The following RHOBTB1 variants were observed in gnomAD, a reference collection of about 807,000 sequenced individuals.
RHOBTB1 encodes the protein rho-related BTB domain-containing protein 1.
A neutral mutation model predicts 71.6 loss-of-function variants in RHOBTB1; 40 were observed. The observed-to-expected ratio is 0.56, with a 90% CI of 0.43 to 0.73. The LOEUF (loss-of-function observed/expected upper bound fraction) is 0.73, where lower values mean the gene tolerates loss of function less well. RHOBTB1 is among the 30% of genes least tolerant of loss of function. The pLI is 0.00. For synonymous variants in RHOBTB1, 319 were observed against 334.9 expected, an observed-to-expected ratio of 0.95 and a Z score of 0.52; for missense variants, 797 against 894.0, an observed-to-expected ratio of 0.89 and a Z score of 1.38.
At chr10:60,937,844 C>G (rs546406796) in intron 2 of RHOBTB1, among the ~76,000 whole-genome samples, 1 of 152,272 alleles carries the variant, frequency 6.6e-6, no homozygotes, top group South Asian at 2.1e-4. Flanking sequence ...GACTTTCTTT[C>G]GAGATACTCT....
At chr10:60,929,443 C>T (rs2084096830) in intron 2 of RHOBTB1, among the ~76,000 whole-genome samples, 1 of 151,986 alleles carries the variant, frequency 6.6e-6, no homozygotes. Context: ...GGTCAAAAAC[C>T]CAAGTTCCCT....
chr10:60,973,937 C>A (rs1260712672), intron 2 of RHOBTB1, among the ~76,000 whole-genome samples: 1 of 151,798 alleles, frequency 6.6e-6, no homozygotes, highest in Non-Finnish European at 1.5e-5. Flanking sequence ...GTAGTTTAGG[C>A]CAAATAGTTT....
intron 2 of RHOBTB1, among the ~76,000 whole-genome samples, chr10:60,927,201 T>C (rs2083935648): frequency 1.3e-5 from 2 of 152,014 alleles, no homozygotes; most frequent in Non-Finnish European, 2.9e-5. Flanking sequence ...CTATAAGACA[T>C]TAAGGACACA....
chr10:60,993,435 A>G (rs2086937437), intron 1 of RHOBTB1, among the ~76,000 whole-genome samples: 1 of 152,168 alleles, frequency 6.6e-6, no homozygotes, highest in South Asian at 2.1e-4. Flanking sequence ...TATTATATAC[A>G]TATGCATATA....
intron 2 of RHOBTB1, among the ~76,000 whole-genome samples, chr10:60,918,537 G>A (rs2083388919): frequency 6.6e-6 from 1 of 152,108 alleles, no homozygotes; most frequent in Admixed American, 6.5e-5. Context: ...TCAGTGTAGG[G>A]CCACTAATTG....
intron 2 of RHOBTB1, among the ~76,000 whole-genome samples, chr10:60,981,515 A>G (rs971831227): frequency 1.3e-5 from 2 of 152,186 alleles, no homozygotes; most frequent in African/African-American, 4.8e-5. Flanking sequence ...TCTTGCATTA[A>G]CCAAGATTTT....
At chr10:60,901,004 A>G (rs1455796883) in intron 4 of RHOBTB1, among the ~76,000 whole-genome samples, 2 of 152,248 alleles carry the variant, frequency 1.3e-5, no homozygotes, top group Non-Finnish European at 2.9e-5. Context: ...AAGGAAATGT[A>G]AAGAAATGGA....
chr10:60,952,410 C>T (rs2085443920), intron 2 of RHOBTB1, among the ~76,000 whole-genome samples: 1 of 152,166 alleles, frequency 6.6e-6, no homozygotes, highest in Non-Finnish European at 1.5e-5. Context: ...AGTAAGTACC[C>T]ACTATGTGTT....
intron 2 of RHOBTB1, among the ~76,000 whole-genome samples, chr10:60,981,791 C>T (rs764265813): frequency 4.0e-5 from 6 of 151,284 alleles, no homozygotes; most frequent in East Asian, 1.9e-4. Flanking sequence ...TTTTTTAACA[C>T]GGAGTTTCGC....
chr10:60,890,524 T>C (rs2081865734), intron 5 of RHOBTB1, among the ~76,000 whole-genome samples: 2 of 152,264 alleles, frequency 1.3e-5, no homozygotes, highest in Middle Eastern at 6.8e-3. Flanking sequence ...GCTGGGGTTA[T>C]GGCATAACCA....
intron 4 of RHOBTB1, among the ~76,000 whole-genome samples, chr10:60,903,175 G>A (rs1255274948): frequency 6.6e-6 from 1 of 152,168 alleles, no homozygotes; most frequent in African/African-American, 2.4e-5. Flanking sequence ...TAGCATATGA[G>A]TAGTGATTAG....
chr10:60,974,408 A>G (rs1014290087), intron 2 of RHOBTB1, among the ~76,000 whole-genome samples: 2 of 152,080 alleles, frequency 1.3e-5, no homozygotes, highest in Admixed American at 1.3e-4. Flanking sequence ...TCAAATTTCA[A>G]GATAAGGAGA....
chr10:60,915,004 T>G (rs1394391139), intron 2 of RHOBTB1, among the ~76,000 whole-genome samples: 1 of 152,252 alleles, frequency 6.6e-6, no homozygotes, highest in Non-Finnish European at 1.5e-5. Flanking sequence ...AAGCATTCAC[T>G]GAATTCCCAA....
At chr10:60,940,628 T>C (rs1414381586) in intron 2 of RHOBTB1, among the ~76,000 whole-genome samples, 11 of 152,230 alleles carry the variant, frequency 7.2e-5, no homozygotes, top group Non-Finnish European at 1.2e-4. Flanking sequence ...TGTGAAGCAA[T>C]AACATCTTTG....
chr10:60,896,590 T>C (rs1380561672), intron 4 of RHOBTB1, among the ~76,000 whole-genome samples: 1 of 152,236 alleles, frequency 6.6e-6, no homozygotes, highest in Non-Finnish European at 1.5e-5. Flanking sequence ...TTTTATTAAA[T>C]ATTTTATGTT....
intron 4 of RHOBTB1, among the ~76,000 whole-genome samples, chr10:60,900,074 C>T (rs1332192871): frequency 6.6e-6 from 1 of 152,108 alleles, no homozygotes; most frequent in Non-Finnish European, 1.5e-5. Context: ...GGGACCATGC[C>T]ATTCTGCTGG....
At chr10:60,940,171 A>T (rs942218317) in intron 2 of RHOBTB1, among the ~76,000 whole-genome samples, 3 of 152,212 alleles carry the variant, frequency 2.0e-5, no homozygotes, top group African/African-American at 7.2e-5. Flanking sequence ...TGCTTAAAAA[A>T]TATCTTCACT....
chr10:60,982,049 G>A (rs1182435802), intron 2 of RHOBTB1, among the ~76,000 whole-genome samples: 2 of 152,186 alleles, frequency 1.3e-5, no homozygotes, highest in African/African-American at 4.8e-5. Flanking sequence ...GGGATTACAG[G>A]CATGAGCCAC....
chr10:60,961,336 C>T (rs1169096392), intron 2 of RHOBTB1, among the ~76,000 whole-genome samples: 3 of 152,100 alleles, frequency 2.0e-5, no homozygotes, highest in Admixed American at 2.0e-4. Context: ...ACTAGCGGTA[C>T]AATTCTGGAT....
Sources: gnomAD v4.1 joint callset for allele counts (sites outside exome capture counted in the v4.1 genomes callset) on GRCh38, gnomAD v4.1.1 for gene constraint, MANE v1.5 for transcripts, NCBI Gene and HGNC (gene_info 2026-07-23, HGNC 2026-07-21) for gene names.